Variants in UNC79 observed in about 807,000 individuals in gnomAD.
UNC79 encodes the protein unc-79 subunit of NALCN channel complex.
In UNC79, 37 loss-of-function variants were observed where a neutral mutation model predicts 283.1. The ratio of observed to expected loss-of-function variants is 0.13; its 90% CI spans 0.10 to 0.17. The LOEUF (loss-of-function observed/expected upper bound fraction) is 0.17. Ranked by LOEUF, UNC79 falls within the 10% of genes least tolerant of loss-of-function variation. UNC79 has a pLI of 1.00. For missense variants in UNC79, 2,272 were observed against 3,211.1 expected (o/e 0.71, Z 7.07); for synonymous variants, 1,107 against 1,200.2 (o/e 0.92, Z 1.61).
intron 41 of UNC79, among the ~76,000 whole-genome samples, chr14:93,677,545 GC>G (rs1195743357): frequency 1.3e-5 from 2 of 152,152 alleles, no homozygotes; most frequent in Non-Finnish European, 2.9e-5. Context: ...TCTCCACCTG[GC>G]CCCTTGACAC....
chr14:93,346,642 A>C (rs2053837695), intron 1 of UNC79, among the ~76,000 whole-genome samples: 1 of 151,786 alleles, frequency 6.6e-6, no homozygotes, highest in Non-Finnish European at 1.5e-5. Flanking sequence ...ACCTATAGAC[A>C]TTTTATGGAA....
intron 30 of UNC79, among the ~76,000 whole-genome samples, chr14:93,623,621 G>A (rs77617783): frequency 6.9e-4 from 105 of 152,354 alleles, no homozygotes; most frequent in African/African-American, 2.4e-3. Flanking sequence ...GGGGCTGGGC[G>A]TAGTGGTTCA....
Position 93,593,572 on chromosome 14 carries a change from C to G in UNC79, c.3033-108C>G, listed in dbSNP as rs76959076. 9.0e-4 allele frequency: 1,220 copies of G among 1,348,364 alleles called. 14 individuals are homozygous for G. In the African/African-American group the frequency reaches 0.017, roughly 19 times the overall value. 83.5% of individuals were successfully genotyped at this position (1,348,364 alleles called of 1,614,324 possible). A position where few individuals can be genotyped will look rare whatever the true frequency, so the allele number is the denominator to read the frequency against. On this transcript the variant is annotated intron_variant, in intron 22 of 48. Transcript: ENST00000555664. Reference sequence around the variant, plus strand: ...ATGAGTGTCATTTCACCAAAAGCACCCCTACCCACCGTCTTGTAACTACTC... The same window carrying G: ...ATGAGTGTCATTTCACCAAAAGCACGCCTACCCACCGTCTTGTAACTACTC...
chr14:93,603,277 G>A (rs201425601), exon 26 of UNC79: 7 of 1,614,148 alleles, frequency 4.3e-6, no homozygotes, highest in South Asian at 2.2e-5. Flanking sequence ...TAACCTCAGC[G>A]ATGCAGCCTT....
intron 1 of UNC79, among the ~76,000 whole-genome samples, chr14:93,388,808 C>A (rs1340575079): frequency 2.0e-5 from 3 of 152,162 alleles, no homozygotes; most frequent in African/African-American, 4.8e-5. Flanking sequence ...GAACCTTGAT[C>A]TTCTTCCTTT....
At chr14:93,426,513 T>A (rs2055731834), upstream of UNC79, among the ~76,000 whole-genome samples, 1 of 151,562 alleles carries the variant, frequency 6.6e-6, no homozygotes, top group Non-Finnish European at 1.5e-5. Context: ...TAACTTTTGT[T>A]ATTGTCTCAC....
chr14:93,622,381 T>C, exon 30 of UNC79: 2 of 1,614,078 alleles, frequency 1.2e-6, no homozygotes, highest in Non-Finnish European at 1.7e-6. Context: ...CCCTCATCAC[T>C]CTGGAAGACC....
intron 14 of UNC79, among the ~76,000 whole-genome samples, chr14:93,554,766 T>C (rs1308568941): frequency 6.6e-6 from 1 of 152,252 alleles, no homozygotes; most frequent in Non-Finnish European, 1.5e-5. Flanking sequence ...AGTTATATTC[T>C]ATCTTTCTTT....
intron 1 of UNC79, among the ~76,000 whole-genome samples, chr14:93,404,744 C>T (rs1363542889): frequency 6.6e-6 from 1 of 150,680 alleles, no homozygotes; most frequent in Non-Finnish European, 1.5e-5. Flanking sequence ...AGATTCAACT[C>T]CTCTCTTAAT....
At chr14:93,517,786 T>C (rs1011307357) in intron 7 of UNC79, among the ~76,000 whole-genome samples, 2 of 152,104 alleles carry the variant, frequency 1.3e-5, no homozygotes, top group African/African-American at 4.8e-5. Flanking sequence ...ATTTTGGTTA[T>C]TATATATCTT....
intron 19 of UNC79, among the ~76,000 whole-genome samples, chr14:93,581,532 C>T (rs771178151): frequency 8.9e-5 from 11 of 123,810 alleles, no homozygotes; most frequent in Non-Finnish European, 1.4e-4. Context: ...CTCACTCTGT[C>T]GCCCAGGCTG....
rs540013928 is a variant in UNC79 at position 93,605,548 on chromosome 14, A to AT, written c.3754+2132dup. Among the ~76,000 whole-genome samples the AT allele has an allele frequency of 2.4e-3, 364 of 152,324 alleles. 3 individuals are homozygous for AT. Among genetic ancestry groups the AT allele is most frequent in the African/African-American group, 8.4e-3 (350 of 41,562 alleles). On this transcript the variant is annotated intron_variant, in intron 26 of 48. Transcript: ENST00000555664. ...AGCCTAAGAGGGCATTGGCAAGGAGATTCCACATGAATGGTGCCGTGACTC... is the reference window on the plus strand; with the variant it reads ...AGCCTAAGAGGGCATTGGCAAGGAGATTTCCACATGAATGGTGCCGTGACTC...
intron 14 of UNC79, among the ~76,000 whole-genome samples, chr14:93,552,106 G>A (rs1276432341): frequency 6.6e-6 from 1 of 152,164 alleles, no homozygotes; most frequent in African/African-American, 2.4e-5. Flanking sequence ...AAATCAAATA[G>A]CACCCAGTGA....
chr14:93,497,296 G>A lies in UNC79; in HGVS notation c.898+10G>A, dbSNP rs748971111. The A allele has an allele frequency of 6.2e-7, 1 of 1,608,598 alleles. No homozygotes were observed. Among genetic ancestry groups the A allele is most frequent in the African/African-American group, 1.3e-5 (1 of 74,840 alleles). ...GGGTTGCAGTACACAGGTAAGAGGA[G>A]AGGAGCCCTGTGATGCCCCATCTGT... On this transcript the variant is annotated intron_variant, in intron 7 of 48. Transcript: ENST00000555664.
intron 11 of UNC79, among the ~76,000 whole-genome samples, chr14:93,536,229 A>G (rs2061066502): frequency 6.6e-6 from 1 of 152,252 alleles, no homozygotes; most frequent in African/African-American, 2.4e-5. Flanking sequence ...CACAGAGCCT[A>G]TGAACATAAT....
intron 18 of UNC79, among the ~76,000 whole-genome samples, 186 bp downstream of exon 18, chr14:93,578,249 A>G (rs2063581879): frequency 1.3e-5 from 2 of 152,220 alleles, no homozygotes; most frequent in African/African-American, 4.8e-5. Flanking sequence ...GAATATCTGC[A>G]GTGATGTTGA....
At chr14:93,597,310 T>G (rs2065147944) in intron 23 of UNC79, 49 bp from the exon 24 acceptor site, 1 of 1,584,394 alleles carries the variant, frequency 6.3e-7, no homozygotes, top group Non-Finnish European at 8.6e-7. Flanking sequence ...TGCGTGTGCC[T>G]GTAGGTGTGT....
intron 1 of UNC79, among the ~76,000 whole-genome samples, chr14:93,414,928 G>A (rs1208426624): frequency 1.2e-4 from 19 of 152,258 alleles, no homozygotes; most frequent in South Asian, 2.1e-4. Context: ...GGGCTGAGAC[G>A]TTGGGGTTTT....
intron 1 of UNC79, among the ~76,000 whole-genome samples, chr14:93,446,414 G>A (rs1259120222): frequency 1.3e-5 from 2 of 149,700 alleles, no homozygotes; most frequent in Non-Finnish European, 3.0e-5. Flanking sequence ...TTTTTGGTGG[G>A]GGATGGAGTT....
Sources: allele counts gnomAD v4.1 joint callset (sites outside exome capture counted in the v4.1 genomes callset), GRCh38; gene constraint gnomAD v4.1.1; transcripts MANE v1.5; gene names NCBI Gene and HGNC (gene_info 2026-07-23, HGNC 2026-07-21).